PNO1: variants seen among roughly 807,000 people sequenced by gnomAD.
PNO1 encodes partner of NOB1 homolog.
PNO1 carries 16 observed loss-of-function variants against 28.4 expected under a neutral mutation model. The ratio of observed to expected loss-of-function variants is 0.56; its 90% CI spans 0.38 to 0.85. The LOEUF (loss-of-function observed/expected upper bound fraction) is 0.85. Ranked by LOEUF, PNO1 falls within the 40% of genes least tolerant of loss-of-function variation. The pLI is 0.00. For missense variants in PNO1, 304 were observed against 312.2 expected (o/e 0.97, Z 0.20); for synonymous variants, 115 against 110.8 (o/e 1.04, Z -0.24).
intron 5 of PNO1, among the ~76,000 whole-genome samples, chr2:68,165,375 A>AG (rs1558619983): frequency 2.0e-5 from 2 of 100,950 alleles, no homozygotes; most frequent in African/African-American, 8.6e-5. Flanking sequence ...AAAAAAAAAA[A>AG]AAAACAACAA....
intron 2 of PNO1, chr2:68,161,083 T>C (rs995504897): frequency 2.5e-6 from 1 of 401,672 alleles, no homozygotes; most frequent in African/African-American, 2.1e-5. Context: ...TTATGGTGTG[T>C]AAAGCATGTT....
At chr2:68,161,292 A>G (rs1463305005) in intron 2 of PNO1, 1 of 473,202 alleles carries the variant, frequency 2.1e-6, no homozygotes, top group Non-Finnish European at 4.4e-6. Flanking sequence ...AGATTAAGTC[A>G]GGAATCCCAG....
At position 68,174,730 on chromosome 2, in the gene PNO1, T is replaced by C. The variant is rs1348157608; in HGVS notation, c.692-5T>C. ...TGTGTATATACTTTTTTTTCCCCTT[T>C]GCAGGAAATCCTCCTTCCAAGGTTT... On this transcript the variant is annotated splice_region_variant and splice_polypyrimidine_tract_variant and intron_variant, in intron 6 of 6. Transcript: ENST00000263657. 2 of 1,599,100 alleles carry C rather than the reference T, an allele frequency of 1.3e-6. No homozygotes were observed. The highest frequency in any genetic ancestry group is 1.7e-6 in the Non-Finnish European group (2 of 1,167,216).
rs1164883014 is a variant in PNO1 at position 68,167,326 on chromosome 2, CA to C, written c.620+4667del. 3.9e-5 allele frequency among the ~76,000 whole-genome samples: 6 copies of C among 152,086 alleles called. No homozygotes were observed. The East Asian group carries it at 1.2e-3, about 29-fold the overall frequency. On this transcript the variant is annotated intron_variant, in intron 5 of 6. Transcript: ENST00000263657. ...GGGTGGCTGGGACATTGCTCAACAT[CA>C]AAAGAGCTTTAAAAGGCATTCCTTA...
intron 5 of PNO1, among the ~76,000 whole-genome samples, chr2:68,163,395 G>A (rs1673887523): frequency 6.6e-6 from 1 of 152,124 alleles, no homozygotes; most frequent in Non-Finnish European, 1.5e-5. Context: ...AGCCGGGCAT[G>A]TGGCATACGC....
Position 68,174,727 on chromosome 2 carries a change from C to T in PNO1, c.692-8C>T, listed in dbSNP as rs1416210017. 6.3e-7 allele frequency: 1 copy of T among 1,594,896 alleles called. No individual in the cohort carries two copies. The highest frequency in any genetic ancestry group is 8.6e-7 in the Non-Finnish European group (1 of 1,164,534). On this transcript the variant is annotated splice_region_variant and splice_polypyrimidine_tract_variant and intron_variant, in intron 6 of 6. Coordinates refer to ENST00000263657, the MANE Select transcript of PNO1 (RefSeq NM_020143.4). ...ATTTGTGTATATACTTTTTTTTCCCCTTTGCAGGAAATCCTCCTTCCAAGG... is the reference window on the plus strand; with the variant it reads ...ATTTGTGTATATACTTTTTTTTCCCTTTTGCAGGAAATCCTCCTTCCAAGG...
In PNO1 at chr2:68,174,918, T is replaced by C. The variant is rs1250282633; in HGVS notation, c.*116T>C. 3 of 579,740 alleles carry C rather than the reference T, an allele frequency of 5.2e-6. No individual in the cohort carries two copies. Among genetic ancestry groups the C allele is most frequent in the Non-Finnish European group, 3.1e-6 (1 of 321,364 alleles). The allele number at this position is 579,740 out of a possible 1,614,324, so 35.9% of individuals were successfully genotyped here. On this transcript the variant is annotated 3_prime_UTR_variant, in exon 7 of 7. Transcript: ENST00000263657. ...AGTCATTTGAAGCCTCCGTCCCTTC[T>C]TCCATTCTCAGCCAGAAGCATAAAC...
chr2:68,167,928 T>C (rs115887900), intron 5 of PNO1, among the ~76,000 whole-genome samples: 2,616 of 152,350 alleles, frequency 0.017, 45 homozygotes, highest in South Asian at 0.056. Context: ...GATGTGTCTT[T>C]CTTAGAACAA....
At position 68,162,563 on chromosome 2, in the gene PNO1, G is replaced by T; in HGVS notation, c.520G>T (p.Asp174Tyr). Residue 174 changes from aspartate to tyrosine, a missense_variant, in exon 5 of 7, where the codon GAC (aspartate) becomes TAC (tyrosine). Coordinates refer to ENST00000263657, the MANE Select transcript of PNO1 (RefSeq NM_020143.4). Reference protein sequence around the residue: ...EITDVKPLKGDHLSRAIGRIA... With the variant: ...EITDVKPLKGYHLSRAIGRIA... ...TTGTTTAGTTAAACCCCTAAAGGGA[G>T]ACCATCTATCCAGGGCAATAGGAAG... 1 of 1,612,994 alleles carries T rather than the reference G, an allele frequency of 6.2e-7. No individual in the cohort carries two copies. Among genetic ancestry groups the T allele is most frequent in the East Asian group, 2.2e-5 (1 of 44,864 alleles).
chr2:68,166,681 A>G (rs1446083374), intron 5 of PNO1, among the ~76,000 whole-genome samples: 1 of 152,190 alleles, frequency 6.6e-6, no homozygotes, highest in Non-Finnish European at 1.5e-5. Context: ...CACAGTTTTT[A>G]GTTTCAGTGC....
rs139911658 is a variant in PNO1 at position 68,160,297 on chromosome 2, C to A, written c.358-1386C>A. The stretch of plus-strand genomic sequence containing the variant: ...AGGAAAAAGTTTTGGACTTAACTTG[C>A]TTTTCAAGTAGGAGACTCAGTCACA... On this transcript the variant is annotated intron_variant, in intron 2 of 6. Transcript: ENST00000263657. Among the ~76,000 whole-genome samples, 16 of 152,268 alleles carry A rather than the reference C, an allele frequency of 1.1e-4. No homozygotes were observed. In the East Asian group the frequency reaches 2.3e-3, roughly 22 times the overall value.
At chr2:68,158,173 G>A in intron 1 of PNO1, 32 bp downstream of exon 1, 1 of 1,548,722 alleles carries the variant, frequency 6.5e-7, no homozygotes, top group Non-Finnish European at 8.7e-7. Flanking sequence ...ACAGCAACGA[G>A]GCAAGGGCCA....
chr2:68,162,380 C>A, intron 4 of PNO1, 55 bp downstream of exon 4: 2 of 1,368,038 alleles, frequency 1.5e-6, no homozygotes, highest in Non-Finnish European at 2.1e-6. Flanking sequence ...TGTGATGTGA[C>A]TCTCAGTTTT....
At chr2:68,163,599 CTATT>C (rs1673900384) in intron 5 of PNO1, among the ~76,000 whole-genome samples, 3 of 151,842 alleles carry the variant, frequency 2.0e-5, no homozygotes. Flanking sequence ...TCAAGGGAAT[CTATT>C]AAATCACTAG....
intron 2 of PNO1, among the ~76,000 whole-genome samples, chr2:68,159,534 C>G (rs969314998): frequency 6.6e-6 from 1 of 152,010 alleles, no homozygotes; most frequent in African/African-American, 2.4e-5. Context: ...TCTGTGCTAT[C>G]AATCCGGGAA....
intron 5 of PNO1, among the ~76,000 whole-genome samples, chr2:68,170,557 C>G (rs915806438): frequency 2.0e-4 from 31 of 152,164 alleles, no homozygotes; most frequent in African/African-American, 6.3e-4. Flanking sequence ...ACCATCCTGG[C>G]TAACACGGTG....
Position 68,170,519 on chromosome 2 carries a change from G to A in PNO1, c.621-2828G>A, listed in dbSNP as rs1007587414. ...TCCCAGCACTTTGGGAGGCCGAGGC[G>A]GGCGGATCACAATGTCAGGAGATCG... On this transcript the variant is annotated intron_variant, in intron 5 of 6. Transcript: ENST00000263657. Among the ~76,000 whole-genome samples, 201 of 152,142 alleles carry A rather than the reference G, an allele frequency of 1.3e-3. 4 individuals carry two copies. Among genetic ancestry groups the A allele is most frequent in the Non-Finnish European group, 2.0e-3 (134 of 68,000 alleles).
chr2:68,168,765 A>G (rs1674054515), intron 5 of PNO1, among the ~76,000 whole-genome samples: 1 of 152,008 alleles, frequency 6.6e-6, no homozygotes, highest in South Asian at 2.1e-4. Flanking sequence ...CTGCAGGTGT[A>G]TTCATATCTG....
At chr2:68,165,107 G>T (rs1673941694) in intron 5 of PNO1, among the ~76,000 whole-genome samples, 1 of 151,958 alleles carries the variant, frequency 6.6e-6, no homozygotes, top group Admixed American at 6.6e-5. Context: ...GCTCACACCT[G>T]TAATCCCAGC....
Sources: allele counts gnomAD v4.1 joint callset (sites outside exome capture counted in the v4.1 genomes callset), GRCh38; gene constraint gnomAD v4.1.1; transcripts MANE v1.5; gene names NCBI Gene and HGNC (gene_info 2026-07-23, HGNC 2026-07-21).